Variants in NBN observed in about 807,000 individuals in gnomAD.
NBN encodes the protein nibrin, also known as Nijmegen breakage syndrome 1 (nibrin).
Under a neutral mutation model 90.8 loss-of-function variants are expected in NBN, and 88 were observed. That is an observed-to-expected ratio of 0.97 (90% CI 0.82 to 1.16). The LOEUF is 1.16. Ranked by LOEUF, NBN falls within the 50% of genes most tolerant of loss-of-function variation. NBN has a pLI of 0.00. For missense variants in NBN, 894 were observed against 869.6 expected, an observed-to-expected ratio of 1.03 and a Z score of -0.35; for synonymous variants, 328 against 295.1, an observed-to-expected ratio of 1.11 and a Z score of -1.14.
intron 10 of NBN, among the ~76,000 whole-genome samples, chr8:89,954,425 A>G (rs1037004303): frequency 2.6e-5 from 4 of 152,074 alleles, no homozygotes; most frequent in Admixed American, 1.3e-4. Flanking sequence ...TGAACCTGGC[A>G]ATAGATGGAA....
In NBN at chr8:89,953,466, A is replaced by G. The variant is rs1209398379; in HGVS notation, c.1623T>C (p.Ala541=). Residue 541 remains alanine, a synonymous_variant, in exon 11 of 16, where the codon GCT becomes GCC. Transcript: ENST00000265433. ...IVKNSASKSH[A]AEKLRSNKKR... ...TTTTATTTGATCTTAGCTTTTCTGCAGCATGAGATTTACTGGCAGAATTTT... is the reference window on the plus strand; with the variant it reads ...TTTTATTTGATCTTAGCTTTTCTGCGGCATGAGATTTACTGGCAGAATTTT... The G allele has an allele frequency of 1.2e-6, 2 of 1,613,764 alleles. No homozygotes were observed. Among genetic ancestry groups the G allele is most frequent in the South Asian group, 2.2e-5 (2 of 91,064 alleles).
At position 89,937,012 on chromosome 8, in the gene NBN, G is replaced by C. The variant is rs763071338; in HGVS notation, c.2234+14C>G. 1.3e-6 allele frequency: 2 copies of C among 1,591,870 alleles called. No individual in the cohort carries two copies. Among genetic ancestry groups the C allele is most frequent in the African/African-American group, 2.7e-5 (2 of 74,406 alleles). ...TCTCTCAAAGGTACATGAGAAAGGT[G>C]AATCAAACTTTACCTAAAAAGATCA... On this transcript the variant is annotated intron_variant, in intron 15 of 15. Transcript: ENST00000265433.
chr8:89,963,931 C>T (rs1039498146), intron 8 of NBN, among the ~76,000 whole-genome samples: 1 of 152,160 alleles, frequency 6.6e-6, no homozygotes, highest in Non-Finnish European at 1.5e-5. Context: ...TCCACACAAA[C>T]CTAAGAGTGA....
chr8:89,953,405 C>G lies in NBN; in HGVS notation c.1684G>C (p.Val562Leu). ...EMDDVAIEDE[V>L]LEQLFKDTKP... is the part of the protein sequence containing the mutation. ...GTGTCCTTGAATAACTGTTCCAATACTTCATCTTCTATGGCCACATCATCC... is the reference window on the plus strand; with the variant it reads ...GTGTCCTTGAATAACTGTTCCAATAGTTCATCTTCTATGGCCACATCATCC... Residue 562 changes from valine (V) to leucine (L), a missense_variant, in exon 11 of 16, where the codon GTA (valine) becomes CTA (leucine). Physicochemically the swap from Val to Leu is conservative, Grantham distance 32 (BLOSUM62 1). Transcript: ENST00000265433. 1 of 1,613,790 alleles carries G rather than the reference C, an allele frequency of 6.2e-7. No individual in the cohort carries two copies. Among genetic ancestry groups the G allele is most frequent in the Non-Finnish European group, 8.5e-7 (1 of 1,179,852 alleles).
In NBN at chr8:89,978,814, T is replaced by C. The variant is rs77171980; in HGVS notation, c.481-491A>G. On this transcript the variant is annotated intron_variant, in intron 4 of 15. Coordinates refer to ENST00000265433, the MANE Select transcript of NBN (RefSeq NM_002485.5). Reference sequence around the variant, plus strand: ...CTTTTTGAGAAAGTAAATAAAATAATTTTTGGTAAAAGCACAAAATAAGTA... The same window carrying C: ...CTTTTTGAGAAAGTAAATAAAATAACTTTTGGTAAAAGCACAAAATAAGTA... Among the ~76,000 whole-genome samples, 981 of 152,228 alleles carry C rather than the reference T, an allele frequency of 6.4e-3. 11 individuals are homozygous for C. Among genetic ancestry groups the C allele is most frequent in the African/African-American group, 0.022 (910 of 41,542 alleles).
Position 89,955,296 on chromosome 8 carries a change from A to C in NBN, c.1384T>G (p.Ser462Ala). 1 of 1,613,434 alleles carries C rather than the reference A, an allele frequency of 6.2e-7. No homozygotes were observed. The highest frequency in any genetic ancestry group is 8.5e-7 in the Non-Finnish European group (1 of 1,179,676). ...TNSIRNYFQP[S>A]TKKRERDEEN... Reference sequence around the variant, plus strand: ...TCAAAAACAGACCTTTTTTTGGTAGACGGCTGAAAGTAGTTTCTGATGGAG... The same window carrying C: ...TCAAAAACAGACCTTTTTTTGGTAGCCGGCTGAAAGTAGTTTCTGATGGAG... Residue 462 changes from serine (S) to alanine (A), a missense_variant, in exon 10 of 16, where the codon TCT (serine) becomes GCT (alanine). Ser to Ala is a moderately conservative substitution (Grantham distance 99). Coordinates refer to ENST00000265433, the MANE Select transcript of NBN (RefSeq NM_002485.5).
chr8:89,979,940 C>T (rs1304434151), intron 4 of NBN, among the ~76,000 whole-genome samples: 5 of 152,166 alleles, frequency 3.3e-5, no homozygotes, highest in Non-Finnish European at 7.3e-5. Flanking sequence ...TGCTAGGGCC[C>T]ACACTTAAAT....
chr8:89,944,899 A>G (rs1383959461), intron 13 of NBN, among the ~76,000 whole-genome samples: 2 of 152,204 alleles, frequency 1.3e-5, no homozygotes, highest in Admixed American at 1.3e-4. Context: ...AGATGTAAAG[A>G]ACTCAGACAA....
At position 89,980,821 on chromosome 8, in the gene NBN, A is replaced by C. The variant is rs372061224; in HGVS notation, c.393T>G (p.Ala131=). ...DVSGKTALNQ[A]ILQLGGFTVN... is the part of the protein sequence containing the mutation. ...CAGTAAATCCTCCAAGTTGCAATAT[A>C]GCTTGATTTAAAGCAGTTTTCCCAG... The change falls in exon 4 of 16, where the codon GCT becomes GCG. Residue 131 remains alanine (A), a synonymous_variant. Transcript: ENST00000265433. The C allele has an allele frequency of 6.2e-7, 1 of 1,612,820 alleles. No homozygotes were observed. The highest frequency in any genetic ancestry group is 8.5e-7 in the Non-Finnish European group (1 of 1,179,002).
chr8:89,981,388 CA>C lies in NBN; in HGVS notation c.306del (p.Phe102LeufsTer7), dbSNP rs587781305. On this transcript the variant is annotated frameshift_variant, in exon 3 of 16. Transcript: ENST00000265433. LOFTEE classifies it high-confidence loss of function. ...AAAATGTCTTACCTGAATTTACTTC[CA>C]AACACTCCAAAAGTAATACCATCCC... is the stretch of plus-strand genomic sequence containing the variant. ...KSGDGITFGV[F>X]GSKFRIEYEP... 4 of 1,613,896 alleles carry C rather than the reference CA, an allele frequency of 2.5e-6. No homozygotes were observed. The highest frequency in any genetic ancestry group is 3.4e-6 in the Non-Finnish European group (4 of 1,179,940).
At chr8:89,962,867 C>T (rs943402862) in intron 8 of NBN, among the ~76,000 whole-genome samples, 1 of 152,180 alleles carries the variant, frequency 6.6e-6, no homozygotes, top group African/African-American at 2.4e-5. Context: ...CATCCCTACA[C>T]CACCATTTCT....
chr8:89,982,681 C>A (rs1301973816), intron 2 of NBN, 41 bp downstream of exon 2: 1 of 1,551,758 alleles, frequency 6.4e-7, no homozygotes, highest in Non-Finnish European at 8.9e-7. Context: ...GTGATTTCAA[C>A]CCCCTTACTG....
At position 89,971,230 on chromosome 8, in the gene NBN, C is replaced by A. The variant is rs2129838464; in HGVS notation, c.645G>T (p.Arg215=). ...CTTTGAAGATTTGTTTTCTTTCCTG[C>A]CGTCCTGACAGATCAACATTTTTAC... ...IGSKNVDLSG[R]QERKQIFKGK... Residue 215 remains arginine, a synonymous_variant, in exon 6 of 16, where the codon CGG becomes CGT. Transcript: ENST00000265433. 1 of 1,613,206 alleles carries A rather than the reference C, an allele frequency of 6.2e-7. No individual in the cohort carries two copies. The highest frequency in any genetic ancestry group is 8.5e-7 in the Non-Finnish European group (1 of 1,179,502).
intron 9 of NBN, among the ~76,000 whole-genome samples, chr8:89,958,248 G>T (rs1664198783): frequency 6.6e-6 from 1 of 152,196 alleles, no homozygotes; most frequent in African/African-American, 2.4e-5. Flanking sequence ...ACTGCTGTGT[G>T]GCCTGGTTCC....
rs764050423 is a variant in NBN, at chr8:89,946,280, G to T, written c.1930C>A (p.Gln644Lys). 6.3e-7 allele frequency: 1 copy of T among 1,582,770 alleles called. No individual in the cohort carries two copies. Among genetic ancestry groups the T allele is most frequent in the Non-Finnish European group, 8.7e-7 (1 of 1,151,938 alleles). Residue 644 changes from glutamine (Q) to lysine (K), a missense_variant, in exon 13 of 16, where the codon CAG (glutamine) becomes AAG (lysine). Gln to Lys is a moderately conservative substitution (Grantham distance 53). Transcript: ENST00000265433. ...TTTGGAAGCATCTCACTATCATCCT[G>T]AAGTTTGTCATTGTTCTTAAATGGG... ...AKEISNNDKL[Q>K]DDSEMLPKKL... is the part of the protein sequence containing the mutation.
At chr8:89,982,558 C>CAGTG (rs932453821) in intron 2 of NBN, 164 bp downstream of exon 2, 64 of 649,036 alleles carry the variant, frequency 9.9e-5, no homozygotes, top group African/African-American at 8.9e-4. Context: ...ACCACTGGTA[C>CAGTG]CACTGCCACA....
At position 89,984,485 on chromosome 8, in the gene NBN, A is replaced by G. The variant is rs745759422; in HGVS notation, c.37+40T>C. ...CAGGCCCTCCCCCGAGGCAGTCGCT[A>G]CCGGGAAAATAGGCCCCGAGGCTTC... On this transcript the variant is annotated intron_variant, in intron 1 of 15. Transcript: ENST00000265433. The G allele has an allele frequency of 6.3e-6, 10 of 1,580,516 alleles. No individual in the cohort carries two copies. In the South Asian group the frequency reaches 1.1e-4, roughly 18 times the overall value.
rs539606255 is a variant in NBN, at chr8:89,976,366, C to T, written c.584+1854G>A. ...AGGCCAAAAGGTTTTACATCAGTTT[C>T]GGAACAGGATTTGGCTGAAAGCAGC... On this transcript the variant is annotated intron_variant, in intron 5 of 15. Coordinates refer to ENST00000265433, the MANE Select transcript of NBN (RefSeq NM_002485.5). Among the ~76,000 whole-genome samples the T allele has an allele frequency of 4.3e-4, 65 of 152,266 alleles. 1 individual carries two copies. The highest frequency in any genetic ancestry group is 1.7e-3 in the South Asian group (8 of 4,826).
rs104895033 is a variant in NBN, at chr8:89,955,478, G to T, written c.1202C>A (p.Pro401His). Residue 401 changes from proline (P) to histidine (H), a missense_variant, in exon 10 of 16, where the codon CCC becomes CAC. Coordinates refer to ENST00000265433, the MANE Select transcript of NBN (RefSeq NM_002485.5). ...QKFRMLSQDA[P>H]TVKESCKTSS... is the part of the protein sequence containing the mutation. ...TGTTTTGCAGGACTCCTTTACAGTG[G>T]GTGCATCTTGTGAAAGCATTCTGAA... The T allele has an allele frequency of 1.1e-5, 18 of 1,613,376 alleles. No individual in the cohort carries two copies. The highest frequency in any genetic ancestry group is 1.5e-5 in the Non-Finnish European group (18 of 1,179,588).
Sources: allele counts gnomAD v4.1 joint callset (sites outside exome capture counted in the v4.1 genomes callset), GRCh38; gene constraint gnomAD v4.1.1; transcripts MANE v1.5; gene names NCBI Gene and HGNC (gene_info 2026-07-23, HGNC 2026-07-21).